The following EIF1AY variants were observed in gnomAD, a reference collection of about 807,000 sequenced individuals.
EIF1AY encodes the protein eukaryotic translation initiation factor 1A Y-linked.
For synonymous variants in EIF1AY, 16 were observed against 9.9 expected (o/e 1.62, Z -1.16); for missense variants, 19 against 30.6 (o/e 0.62, Z 0.89).
chrY:20,589,727 T>G (rs2089357592), intron 6 of EIF1AY, 152 bp downstream of exon 6: 20 of 136,713 alleles, frequency 1.5e-4, no homozygotes, highest in Admixed American at 2.9e-4. Context: ...TCTAAAGAGA[T>G]AGTTTTGAGA....
At chrY:20,579,493 C>T in intron 1 of EIF1AY, 115 bp from the exon 2 acceptor site, 1 of 136,144 alleles carries the variant, frequency 7.3e-6, no homozygotes. Flanking sequence ...TTTAATTTTC[C>T]TGCAAGTGGT....
chrY:20,585,430 C>T (rs2089353967), intron 4 of EIF1AY, among the ~76,000 whole-genome samples: 1 of 33,833 alleles, frequency 3.0e-5, no homozygotes, highest in Non-Finnish European at 7.4e-5. Context: ...TTGATTTCTA[C>T]TCATGGAATT....
chrY:20,581,155 C>T (rs944086139), intron 2 of EIF1AY, among the ~76,000 whole-genome samples: 6 of 33,791 alleles, frequency 1.8e-4, no homozygotes, highest in African/African-American at 6.9e-4. Context: ...ATTTAGCCTT[C>T]ATCTTTTTCA....
chrY:20,592,261 C>A (rs2089359532), intron 6 of EIF1AY, 80 bp from the exon 7 acceptor site: 1 of 199,423 alleles, frequency 5.0e-6, no homozygotes, highest in African/African-American at 8.2e-5. Flanking sequence ...TCACAGTTTA[C>A]CACTGGGAGT....
chrY:20,592,278 A>G, intron 6 of EIF1AY, 63 bp from the exon 7 acceptor site: 1 of 254,286 alleles, frequency 3.9e-6, no homozygotes, highest in Non-Finnish European at 6.0e-6. Context: ...GAGTCTTTAT[A>G]TGCAGTAGAA....
intron 4 of EIF1AY, among the ~76,000 whole-genome samples, chrY:20,585,896 C>T: frequency 3.4e-5 from 1 of 28,987 alleles, no homozygotes; most frequent in Non-Finnish European, 8.1e-5. Context: ...CAGATTGCTG[C>T]CTCTCGGGGC....
At chrY:20,583,741 A>G (rs1603578952) in intron 3 of EIF1AY, among the ~76,000 whole-genome samples, 2 of 33,272 alleles carry the variant, frequency 6.0e-5, no homozygotes, top group East Asian at 1.6e-3. Context: ...CCAAATTTCA[A>G]TATAAATCTT....
chrY:20,587,664 A>T lies in EIF1AY; in HGVS notation c.256-360A>T. The T allele has an allele frequency of 1.9e-4, 7 of 37,378 alleles. No individual in the cohort carries two copies. The South Asian group carries it at 3.0e-3, about 16-fold the overall frequency. 9.3% of individuals were successfully genotyped at this position (37,378 alleles called of 400,897 possible). A position where few individuals can be genotyped will look rare whatever the true frequency, so the allele number is the denominator to read the frequency against. On this transcript the variant is annotated intron_variant, in intron 4 of 6. Coordinates refer to ENST00000361365, the MANE Select transcript of EIF1AY (RefSeq NM_004681.4). ...TTTTGAATTGCAGTGTTTGACCTTAAAAGTTTTATATTACAATTTTTTTAA... is the reference window on the plus strand; with the variant it reads ...TTTTGAATTGCAGTGTTTGACCTTATAAGTTTTATATTACAATTTTTTTAA...
At chrY:20,590,365 C>T (rs1045737575) in intron 6 of EIF1AY, among the ~76,000 whole-genome samples, 6 of 32,148 alleles carry the variant, frequency 1.9e-4, no homozygotes, top group Non-Finnish European at 3.8e-4. Flanking sequence ...GTCCAGCGGG[C>T]GTGGTGGCTC....
In EIF1AY at chrY:20,593,126, G is replaced by C; in HGVS notation, c.*780G>C. 1 of 33,708 alleles carries C rather than the reference G, an allele frequency of 3.0e-5. No individual in the cohort carries two copies. Among genetic ancestry groups the C allele is most frequent in the Non-Finnish European group, 7.4e-5 (1 of 13,586 alleles). The allele number at this position is 33,708 out of a possible 400,897, so 8.4% of individuals were successfully genotyped here. A position where few individuals can be genotyped will look rare whatever the true frequency, so the allele number is the denominator to read the frequency against. On this transcript the variant is annotated 3_prime_UTR_variant, in exon 7 of 7. Transcript: ENST00000361365. The stretch of plus-strand genomic sequence containing the variant: ...GTAAATTACAGTGTATAAATGAAAA[G>C]CAATTTCATAATAAATTCTATAAAC...
intron 1 of EIF1AY, among the ~76,000 whole-genome samples, chrY:20,577,852 A>G (rs2089347800): frequency 6.7e-5 from 2 of 29,874 alleles, no homozygotes; most frequent in East Asian, 8.3e-4. Context: ...AAAAAAAAAA[A>G]AAGAAGTATA....
At chrY:20,583,825 G>A in intron 3 of EIF1AY, among the ~76,000 whole-genome samples, 1 of 33,247 alleles carries the variant, frequency 3.0e-5, no homozygotes, top group South Asian at 6.7e-4. Context: ...GTCATTTTGT[G>A]TAGATACATC....
chrY:20,592,433 T>G lies in EIF1AY; in HGVS notation c.*87T>G. On this transcript the variant is annotated 3_prime_UTR_variant, in exon 7 of 7. Coordinates refer to ENST00000361365, the MANE Select transcript of EIF1AY (RefSeq NM_004681.4). ...GCCATCATCAACCAAGAAGAGAAAT[T>G]CATTTAGTGTGTAGTTTCTGAAAGC... 1 of 172,398 alleles carries G rather than the reference T, an allele frequency of 5.8e-6. No individual in the cohort carries two copies. The highest frequency in any genetic ancestry group is 9.7e-6 in the Non-Finnish European group (1 of 102,803). The allele number at this position is 172,398 out of a possible 400,897, so 43.0% of individuals were successfully genotyped here.
At chrY:20,584,061 A>C in intron 3 of EIF1AY, among the ~76,000 whole-genome samples, 1 of 32,315 alleles carries the variant, frequency 3.1e-5, no homozygotes, top group Non-Finnish European at 7.6e-5. Context: ...GTTTTTTTCT[A>C]ATTTATTTTT....
intron 6 of EIF1AY, among the ~76,000 whole-genome samples, chrY:20,591,062 T>C: frequency 6.0e-5 from 2 of 33,273 alleles, no homozygotes; most frequent in South Asian, 6.6e-4. Context: ...AGTTTTTTTT[T>C]CTTTGGAATT....
chrY:20,588,032 A>G lies in EIF1AY; in HGVS notation c.264A>G (p.Lys88=). 2.6e-6 allele frequency: 1 copy of G among 384,914 alleles called. No individual in the cohort carries two copies. Among genetic ancestry groups the G allele is most frequent in the Non-Finnish European group, 3.7e-6 (1 of 272,200 alleles). ...ATTTGTTTATTTCTAAGGATAACAA[A>G]GCTGATGTAATTTTAAAGTACAATG... ...LVGLRDYQDN[K]ADVILKYNAD... Residue 88 remains lysine (K), a synonymous_variant, in exon 5 of 7, where the codon AAA becomes AAG. Transcript: ENST00000361365.
At chrY:20,584,986 T>TA (rs2089353716) in intron 4 of EIF1AY, among the ~76,000 whole-genome samples, 1 of 33,168 alleles carries the variant, frequency 3.0e-5, no homozygotes, top group South Asian at 6.6e-4. Context: ...GATACATAGT[T>TA]ACGATGTTTT....
intron 1 of EIF1AY, 57 bp downstream of exon 1, chrY:20,575,944 G>T (rs2089346694): frequency 6.0e-6 from 2 of 331,548 alleles, no homozygotes; most frequent in Admixed American, 1.7e-4. Flanking sequence ...TAACCCCGAC[G>T]CCTGTTCCAG....
intron 1 of EIF1AY, 79 bp downstream of exon 1, chrY:20,575,966 T>C: frequency 6.9e-6 from 2 of 287,848 alleles, no homozygotes; most frequent in Non-Finnish European, 5.3e-6. Flanking sequence ...CCGCAGTGAC[T>C]GTTCTAACGG....
Sources: allele counts gnomAD v4.1 joint callset (sites outside exome capture counted in the v4.1 genomes callset), GRCh38; gene constraint gnomAD v4.1.1; transcripts MANE v1.5; gene names NCBI Gene and HGNC (gene_info 2026-07-23, HGNC 2026-07-21).